Variants in HS6ST3 observed in about 807,000 individuals in gnomAD.
HS6ST3 encodes heparan-sulfate 6-O-sulfotransferase 3.
In HS6ST3, 12 loss-of-function variants were observed where a neutral mutation model predicts 36.7. That is an observed-to-expected ratio of 0.33 (90% CI 0.21 to 0.53). HS6ST3 has a LOEUF of 0.53. Among genes scored for constraint, HS6ST3 ranks in the 20% least tolerant of loss-of-function variants. The pLI, the probability that HS6ST3 is intolerant of heterozygous loss-of-function variation, is 0.95. For synonymous variants in HS6ST3, 240 were observed against 257.5 expected (o/e 0.93, Z 0.65); for missense variants, 584 against 640.9 (o/e 0.91, Z 0.96).
intron 1 of HS6ST3, among the ~76,000 whole-genome samples, chr13:96,810,458 T>A (rs886258141): frequency 6.6e-6 from 1 of 152,224 alleles, no homozygotes. Context: ...TGAGAACCGC[T>A]GACCTTTACT....
chr13:96,694,812 T>C (rs901022386), intron 1 of HS6ST3, among the ~76,000 whole-genome samples: 5 of 152,214 alleles, frequency 3.3e-5, no homozygotes, highest in Admixed American at 6.5e-5. Context: ...TTTTTTCATA[T>C]GCTTTTTGGC....
chr13:96,792,780 C>T (rs1226345084), intron 1 of HS6ST3, among the ~76,000 whole-genome samples: 1 of 152,012 alleles, frequency 6.6e-6, no homozygotes, highest in East Asian at 1.9e-4. Flanking sequence ...TGCAATGTGG[C>T]AGCCTGGCAG....
chr13:96,518,077 G>A (rs1380034737), intron 1 of HS6ST3, among the ~76,000 whole-genome samples: 2 of 151,942 alleles, frequency 1.3e-5, no homozygotes, highest in African/African-American at 4.8e-5. Flanking sequence ...TGGAGCTGGG[G>A]GCTATTATCT....
chr13:96,133,517 G>A (rs1448754048), intron 1 of HS6ST3, among the ~76,000 whole-genome samples: 1 of 152,054 alleles, frequency 6.6e-6, no homozygotes, highest in East Asian at 1.9e-4. Flanking sequence ...CTGCCTCCTG[G>A]GTTCAAAGGA....
intron 1 of HS6ST3, among the ~76,000 whole-genome samples, chr13:96,595,608 T>G (rs1040470514): frequency 1.1e-4 from 16 of 152,104 alleles, no homozygotes; most frequent in Non-Finnish European, 1.9e-4. Context: ...TGCTACTAGT[T>G]TTTTAGATAA....
At chr13:96,307,622 T>C (rs2054920282) in intron 1 of HS6ST3, among the ~76,000 whole-genome samples, 2 of 152,252 alleles carry the variant, frequency 1.3e-5, no homozygotes, top group African/African-American at 2.4e-5. Context: ...TTTTGAGTTA[T>C]TTAAAAATTC....
At chr13:96,361,472 T>A (rs1448826358) in intron 1 of HS6ST3, among the ~76,000 whole-genome samples, 1 of 152,190 alleles carries the variant, frequency 6.6e-6, no homozygotes, top group Non-Finnish European at 1.5e-5. Flanking sequence ...CATGTCTCAG[T>A]TTGTATCCTA....
intron 1 of HS6ST3, among the ~76,000 whole-genome samples, chr13:96,243,899 G>A (rs1439947014): frequency 6.6e-6 from 1 of 151,128 alleles, no homozygotes; most frequent in Non-Finnish European, 1.5e-5. Context: ...CTTTTTTGAG[G>A]GGGTGGGGTG....
intron 1 of HS6ST3, among the ~76,000 whole-genome samples, chr13:96,413,990 A>G (rs1424982506): frequency 1.3e-5 from 2 of 152,342 alleles, no homozygotes; most frequent in African/African-American, 4.8e-5. Context: ...AAAGTGTTAC[A>G]TAAATTAAAC....
chr13:96,134,185 A>C (rs2053990125), intron 1 of HS6ST3, among the ~76,000 whole-genome samples: 1 of 151,766 alleles, frequency 6.6e-6, no homozygotes, highest in Admixed American at 6.5e-5. Context: ...ATTGCCATTT[A>C]CTTTTGTTGT....
chr13:96,288,025 A>T (rs1293989240), intron 1 of HS6ST3, among the ~76,000 whole-genome samples: 1 of 152,192 alleles, frequency 6.6e-6, no homozygotes, highest in Non-Finnish European at 1.5e-5. Flanking sequence ...TTCCTAGACC[A>T]GAAGTCTCAA....
chr13:96,546,067 G>A (rs1369660484), intron 1 of HS6ST3, among the ~76,000 whole-genome samples: 1 of 152,122 alleles, frequency 6.6e-6, no homozygotes, highest in Non-Finnish European at 1.5e-5. Context: ...TGGTCTCTGA[G>A]TTTATTATTC....
chr13:96,553,833 A>G (rs1255042332), intron 1 of HS6ST3, among the ~76,000 whole-genome samples: 1 of 152,228 alleles, frequency 6.6e-6, no homozygotes, highest in Non-Finnish European at 1.5e-5. Flanking sequence ...GCATGTCAGA[A>G]CACATGTGCA....
At chr13:96,377,338 G>A (rs972459694) in intron 1 of HS6ST3, among the ~76,000 whole-genome samples, 1 of 151,780 alleles carries the variant, frequency 6.6e-6, no homozygotes, top group Non-Finnish European at 1.5e-5. Flanking sequence ...GGGTGACAGA[G>A]AAAGACCCTG....
chr13:96,748,208 C>A (rs959208022), intron 1 of HS6ST3, among the ~76,000 whole-genome samples: 1 of 152,060 alleles, frequency 6.6e-6, no homozygotes, highest in South Asian at 2.1e-4. Flanking sequence ...TCAAAGCGCA[C>A]GTACAACTCC....
intron 1 of HS6ST3, among the ~76,000 whole-genome samples, chr13:96,601,833 C>G (rs2056422738): frequency 6.6e-6 from 1 of 152,110 alleles, no homozygotes; most frequent in South Asian, 2.1e-4. Flanking sequence ...AGTTTATGGT[C>G]ACCTAGCTTT....
At chr13:96,764,899 GTGAA>G (rs1266335033) in intron 1 of HS6ST3, among the ~76,000 whole-genome samples, 1 of 152,050 alleles carries the variant, frequency 6.6e-6, no homozygotes, top group African/African-American at 2.4e-5. Context: ...TTCATTAATT[GTGAA>G]TGACTTTTGT....
At chr13:96,609,262 G>C (rs1219845434) in intron 1 of HS6ST3, among the ~76,000 whole-genome samples, 1 of 151,904 alleles carries the variant, frequency 6.6e-6, no homozygotes, top group East Asian at 1.9e-4. Context: ...GAGCCACCAC[G>C]GCCGGCCTCT....
At chr13:96,322,671 A>G (rs985840759) in intron 1 of HS6ST3, among the ~76,000 whole-genome samples, 5 of 152,242 alleles carry the variant, frequency 3.3e-5, no homozygotes, top group Admixed American at 1.3e-4. Flanking sequence ...ACTCTCAAGC[A>G]TCTGCTTTCT....
Sources: allele counts gnomAD v4.1 joint callset (sites outside exome capture counted in the v4.1 genomes callset), GRCh38; gene constraint gnomAD v4.1.1; transcripts MANE v1.5; gene names NCBI Gene and HGNC (gene_info 2026-07-23, HGNC 2026-07-21).